PPP3CA: variants seen among roughly 807,000 people sequenced by gnomAD.
PPP3CA encodes the protein CAM-PRP catalytic subunit.
PPP3CA carries 14 observed loss-of-function variants against 66.5 expected under a neutral mutation model. The observed-to-expected ratio is 0.21, with a 90% CI of 0.14 to 0.33. The LOEUF is 0.33. Among genes scored for constraint, PPP3CA ranks in the 10% least tolerant of loss-of-function variants. The pLI, the probability that PPP3CA is intolerant of heterozygous loss-of-function variation, is 1.00. For missense variants in PPP3CA, 317 were observed against 639.5 expected (o/e 0.50, Z 5.44); for synonymous variants, 232 against 226.2 (o/e 1.03, Z -0.23).
chr4:101,074,662 TA>T (rs1271194334), intron 8 of PPP3CA, among the ~76,000 whole-genome samples: 2 of 152,220 alleles, frequency 1.3e-5, no homozygotes, highest in Admixed American at 1.3e-4. Context: ...TCTTTTTATT[TA>T]TAAATGGTAT....
At chr4:101,246,894 AG>A (rs1726499060) in intron 1 of PPP3CA, among the ~76,000 whole-genome samples, 1 of 152,188 alleles carries the variant, frequency 6.6e-6, no homozygotes, top group Non-Finnish European at 1.5e-5. Context: ...TTGAATTTGC[AG>A]GCTTCTCCTA....
At chr4:101,183,951 G>T (rs1724324424) in intron 2 of PPP3CA, among the ~76,000 whole-genome samples, 1 of 152,132 alleles carries the variant, frequency 6.6e-6, no homozygotes, top group Admixed American at 6.6e-5. Flanking sequence ...AGTTACAGAG[G>T]CTTTCTAACT....
At chr4:101,213,600 C>T (rs1186283568) in intron 1 of PPP3CA, among the ~76,000 whole-genome samples, 1 of 152,102 alleles carries the variant, frequency 6.6e-6, no homozygotes, top group African/African-American at 2.4e-5. Flanking sequence ...AAGACACTAT[C>T]CACATATGCT....
rs193120499 is a variant in PPP3CA, at chr4:101,343,973, C to T, written c.58+2766G>A. 1.4e-3 allele frequency among the ~76,000 whole-genome samples: 210 copies of T among 152,056 alleles called. 1 individual carries two copies. The highest frequency in any genetic ancestry group is 2.0e-3 in the Non-Finnish European group (136 of 67,952). The stretch of plus-strand genomic sequence containing the variant: ...AACTGTAAGCAAATGCCATGGCATG[C>T]CATGGTAATAACAATCTGAATATTT... On this transcript the variant is annotated intron_variant, in intron 1 of 13. Coordinates refer to ENST00000394854, the MANE Select transcript of PPP3CA (RefSeq NM_000944.5).
chr4:101,077,092 A>G (rs72929325), intron 8 of PPP3CA, among the ~76,000 whole-genome samples: 3,110 of 152,316 alleles, frequency 0.02, 110 homozygotes, highest in African/African-American at 0.071. Context: ...GACTGAATGA[A>G]TTAATGTGGG....
At chr4:101,329,634 G>A (rs1279756832) in intron 1 of PPP3CA, among the ~76,000 whole-genome samples, 1 of 152,130 alleles carries the variant, frequency 6.6e-6, no homozygotes, top group East Asian at 1.9e-4. Flanking sequence ...TCAAAGGACA[G>A]GCTGACTCTC....
At chr4:101,292,514 C>T (rs1390568700) in intron 1 of PPP3CA, among the ~76,000 whole-genome samples, 2 of 152,164 alleles carry the variant, frequency 1.3e-5, no homozygotes, top group African/African-American at 4.8e-5. Context: ...ACTTTGCTTT[C>T]ACTAACACGA....
intron 2 of PPP3CA, among the ~76,000 whole-genome samples, chr4:101,172,940 A>G (rs892019044): frequency 1.4e-4 from 21 of 152,338 alleles, no homozygotes; most frequent in African/African-American, 4.3e-4. Context: ...TACAAGGCAC[A>G]CATTAGATTT....
intron 6 of PPP3CA, among the ~76,000 whole-genome samples, chr4:101,087,184 G>A (rs1157956461): frequency 1.3e-5 from 2 of 152,172 alleles, no homozygotes; most frequent in East Asian, 3.9e-4. Context: ...CCTAGGACTT[G>A]CTGTGTTTCT....
At chr4:101,227,067 T>C (rs898938290) in intron 1 of PPP3CA, among the ~76,000 whole-genome samples, 2 of 151,872 alleles carry the variant, frequency 1.3e-5, no homozygotes, top group South Asian at 4.1e-4. Context: ...ATAGGTTCAA[T>C]GTTGAAAACA....
chr4:101,103,730 C>T (rs1383442164), intron 3 of PPP3CA, among the ~76,000 whole-genome samples: 5 of 152,136 alleles, frequency 3.3e-5, no homozygotes, highest in East Asian at 1.9e-4. Flanking sequence ...TAGTGCAAAA[C>T]GGCTAGAAAG....
intron 2 of PPP3CA, among the ~76,000 whole-genome samples, chr4:101,151,235 T>C (rs1443325351): frequency 3.9e-5 from 6 of 152,184 alleles, no homozygotes; most frequent in Non-Finnish European, 7.3e-5. Context: ...TTTGTTTATC[T>C]GAATGAGGTT....
intron 2 of PPP3CA, among the ~76,000 whole-genome samples, chr4:101,127,144 A>G (rs1220793163): frequency 2.6e-5 from 4 of 152,020 alleles, no homozygotes; most frequent in African/African-American, 9.7e-5. Flanking sequence ...TTCACTAGTT[A>G]AATGTCAAAA....
chr4:101,152,122 A>G (rs1723162915), intron 2 of PPP3CA, among the ~76,000 whole-genome samples: 1 of 152,230 alleles, frequency 6.6e-6, no homozygotes, highest in African/African-American at 2.4e-5. Flanking sequence ...CAGAGGTAGT[A>G]TTCTAAATTT....
chr4:101,078,864 G>A (rs938490085), intron 8 of PPP3CA, among the ~76,000 whole-genome samples: 1 of 152,116 alleles, frequency 6.6e-6, no homozygotes, highest in Non-Finnish European at 1.5e-5. Context: ...AAAAGCACGT[G>A]GCAAGCAGAG....
At chr4:101,183,887 C>A (rs1179834922) in intron 2 of PPP3CA, among the ~76,000 whole-genome samples, 1 of 152,116 alleles carries the variant, frequency 6.6e-6, no homozygotes, top group Non-Finnish European at 1.5e-5. Flanking sequence ...GATACACTTA[C>A]CCTATGAACC....
chr4:101,060,708 A>G (rs1402967250), intron 10 of PPP3CA, among the ~76,000 whole-genome samples: 2 of 152,262 alleles, frequency 1.3e-5, no homozygotes, highest in African/African-American at 4.8e-5. Context: ...TGATGTGAGC[A>G]ACCCCATTAG....
intron 1 of PPP3CA, among the ~76,000 whole-genome samples, chr4:101,205,499 G>C (rs1725103911): frequency 6.6e-6 from 1 of 151,812 alleles, no homozygotes; most frequent in Non-Finnish European, 1.5e-5. Context: ...AGAAACCTTT[G>C]TATTAATAAA....
intron 2 of PPP3CA, among the ~76,000 whole-genome samples, chr4:101,146,648 G>C (rs1403004279): frequency 6.6e-6 from 1 of 151,944 alleles, no homozygotes; most frequent in East Asian, 1.9e-4. Flanking sequence ...TCACCATGTT[G>C]GTCAGGCTGG....
Sources: gnomAD v4.1 joint callset for allele counts (sites outside exome capture counted in the v4.1 genomes callset) on GRCh38, gnomAD v4.1.1 for gene constraint, MANE v1.5 for transcripts, NCBI Gene and HGNC (gene_info 2026-07-23, HGNC 2026-07-21) for gene names.